The following NR6A1 variants were observed in gnomAD, a reference collection of about 807,000 sequenced individuals.
The protein encoded by NR6A1 is nuclear receptor subfamily 6 group A member 1.
NR6A1 carries 7 observed loss-of-function variants against 59.1 expected under a neutral mutation model. The ratio of observed to expected loss-of-function variants is 0.12; its 90% CI spans 0.07 to 0.22. The LOEUF (loss-of-function observed/expected upper bound fraction) is 0.22, where lower values mean the gene tolerates loss of function less well. Ranked by LOEUF, NR6A1 falls within the 10% of genes least tolerant of loss-of-function variation. The pLI is 1.00. For synonymous variants in NR6A1, 243 were observed against 236.1 expected (o/e 1.03, Z -0.27); for missense variants, 468 against 611.6 (o/e 0.77, Z 2.48).
chr9:124,759,143 C>G (rs1196697008), intron 1 of NR6A1, among the ~76,000 whole-genome samples: 1 of 152,074 alleles, frequency 6.6e-6, no homozygotes, highest in Non-Finnish European at 1.5e-5. Flanking sequence ...ATCTTTCTCA[C>G]TATCTCTCTT....
At chr9:124,527,381 G>T (rs1588637485) in intron 7 of NR6A1, among the ~76,000 whole-genome samples, 1 of 152,354 alleles carries the variant, frequency 6.6e-6, no homozygotes, top group African/African-American at 2.4e-5. Context: ...GCTGCTGATT[G>T]TATTTGCTTG....
intron 2 of NR6A1, among the ~76,000 whole-genome samples, chr9:124,657,105 T>C (rs1225007917): frequency 2.0e-5 from 3 of 152,176 alleles, no homozygotes; most frequent in African/African-American, 7.2e-5. Flanking sequence ...AAAAAGATTG[T>C]CTTGTGGCTT....
At chr9:124,683,464 A>G (rs2130999601) in intron 2 of NR6A1, among the ~76,000 whole-genome samples, 1 of 152,330 alleles carries the variant, frequency 6.6e-6, no homozygotes, top group Middle Eastern at 3.4e-3. Flanking sequence ...GGTGTTTTTC[A>G]TTCCTGCTCT....
chr9:124,606,256 T>G (rs1835573204), intron 2 of NR6A1, among the ~76,000 whole-genome samples: 1 of 152,212 alleles, frequency 6.6e-6, no homozygotes, highest in Non-Finnish European at 1.5e-5. Flanking sequence ...CTATGAAATA[T>G]TCTCCTACTC....
intron 3 of NR6A1, among the ~76,000 whole-genome samples, chr9:124,548,590 C>T (rs1231926596): frequency 1.3e-5 from 2 of 152,142 alleles, no homozygotes; most frequent in Non-Finnish European, 2.9e-5. Context: ...AGATTCTGCT[C>T]AAATGTTATC....
intron 5 of NR6A1, among the ~76,000 whole-genome samples, chr9:124,539,788 T>C (rs192414822): frequency 5.5e-4 from 84 of 152,374 alleles, no homozygotes; most frequent in Non-Finnish European, 1.0e-3. Context: ...TGCACGGGCA[T>C]GGATAGAAGC....
At chr9:124,690,927 C>A (rs1838521674) in intron 2 of NR6A1, among the ~76,000 whole-genome samples, 1 of 152,108 alleles carries the variant, frequency 6.6e-6, no homozygotes, top group South Asian at 2.1e-4. Context: ...CAGAAACCTA[C>A]CTTTCTGTAG....
At chr9:124,744,233 T>A (rs1840259750) in intron 1 of NR6A1, among the ~76,000 whole-genome samples, 2 of 151,356 alleles carry the variant, frequency 1.3e-5, no homozygotes, top group Admixed American at 1.3e-4. Context: ...AGACCTTGTC[T>A]CAAACAAAAA....
chr9:124,653,910 G>A (rs1837173842), intron 2 of NR6A1, among the ~76,000 whole-genome samples: 1 of 152,178 alleles, frequency 6.6e-6, no homozygotes, highest in Admixed American at 6.5e-5. Flanking sequence ...CCAACATTAT[G>A]TGCCGAGGAC....
chr9:124,524,378 A>T (rs1832872139), intron 9 of NR6A1, among the ~76,000 whole-genome samples: 1 of 152,200 alleles, frequency 6.6e-6, no homozygotes, highest in African/African-American at 2.4e-5. Context: ...AAAGTACACA[A>T]TTCAAGAAAT....
intron 2 of NR6A1, among the ~76,000 whole-genome samples, chr9:124,716,305 A>G (rs1026878057): frequency 5.3e-5 from 8 of 152,238 alleles, no homozygotes; most frequent in Non-Finnish European, 1.0e-4. Context: ...ATAATACAGA[A>G]AAAACAAATT....
intron 3 of NR6A1, among the ~76,000 whole-genome samples, chr9:124,545,678 C>T (rs1253341940): frequency 6.6e-6 from 1 of 152,150 alleles, no homozygotes; most frequent in African/African-American, 2.4e-5. Context: ...CACTGGAATA[C>T]AACACCAAAT....
chr9:124,577,677 G>A (rs922005064), intron 2 of NR6A1, among the ~76,000 whole-genome samples: 5 of 152,310 alleles, frequency 3.3e-5, no homozygotes, highest in Non-Finnish European at 5.9e-5. Context: ...AATGACCTAT[G>A]TATCTGTAAC....
chr9:124,605,141 G>A (rs1835543551), intron 2 of NR6A1, among the ~76,000 whole-genome samples: 1 of 152,192 alleles, frequency 6.6e-6, no homozygotes, highest in Non-Finnish European at 1.5e-5. Flanking sequence ...AGTTGACTAA[G>A]TCTCTATATC....
At chr9:124,647,561 G>C (rs1588740616) in intron 2 of NR6A1, among the ~76,000 whole-genome samples, 3 of 151,274 alleles carry the variant, frequency 2.0e-5, no homozygotes, top group Non-Finnish European at 3.0e-5. Context: ...AACCCCATCT[G>C]TACTAAAAAT....
At chr9:124,715,433 G>A (rs1839387973) in intron 2 of NR6A1, among the ~76,000 whole-genome samples, 1 of 152,088 alleles carries the variant, frequency 6.6e-6, no homozygotes, top group Admixed American at 6.5e-5. Flanking sequence ...TACTCTGGAG[G>A]CTAGGCCAAG....
chr9:124,750,998 C>G (rs946455319), intron 1 of NR6A1, among the ~76,000 whole-genome samples: 3 of 152,130 alleles, frequency 2.0e-5, no homozygotes, highest in Non-Finnish European at 2.9e-5. Context: ...AGAGTGTAAG[C>G]CCTGGATCAG....
intron 2 of NR6A1, among the ~76,000 whole-genome samples, chr9:124,562,458 C>T (rs1463632614): frequency 2.0e-5 from 3 of 151,522 alleles, no homozygotes; most frequent in South Asian, 2.1e-4. Context: ...TTCATTATGT[C>T]GCCTAGGCTG....
rs1841114181 is a variant in NR6A1 at position 124,770,644 on chromosome 9, G to A, written c.100+376C>T. Among the ~76,000 whole-genome samples the A allele has an allele frequency of 2.1e-5, 3 of 141,018 alleles. No homozygotes were observed. In the South Asian group the frequency reaches 7.3e-4, roughly 34 times the overall value. The allele number at this position is 141,018 out of a possible 152,430, so 92.5% of individuals were successfully genotyped here. A position where few individuals can be genotyped will look rare whatever the true frequency, so the allele number is the denominator to read the frequency against. On this transcript the variant is annotated intron_variant, in intron 1 of 9. Coordinates refer to ENST00000487099, the MANE Select transcript of NR6A1 (RefSeq NM_033334.4). ...CTGAGGAGCCCGGGGGGAGGGGAAG[G>A]TTCGGTGCTGGGAAGACAGGGGGAG...
Sources: allele counts gnomAD v4.1 joint callset (sites outside exome capture counted in the v4.1 genomes callset), GRCh38; gene constraint gnomAD v4.1.1; transcripts MANE v1.5; gene names NCBI Gene and HGNC (gene_info 2026-07-23, HGNC 2026-07-21).